Variants in ROBO1 observed in about 807,000 individuals in gnomAD.
ROBO1 encodes roundabout homolog 1.
A neutral mutation model predicts 195.9 loss-of-function variants in ROBO1; 149 were observed. The observed-to-expected ratio is 0.76, with a 90% CI of 0.67 to 0.87. The LOEUF is 0.87. Ranked by LOEUF, ROBO1 falls within the 40% of genes least tolerant of loss-of-function variation. The pLI, the probability that ROBO1 is intolerant of heterozygous loss-of-function variation, is 0.00. For synonymous variants in ROBO1, 816 were observed against 733.2 expected (o/e 1.11, Z -1.82); for missense variants, 1,933 against 2,068.3 (o/e 0.93, Z 1.27).
chr3:78,616,723 T>G (rs1341872408), intron 27 of ROBO1, among the ~76,000 whole-genome samples: 1 of 152,162 alleles, frequency 6.6e-6, no homozygotes, highest in Non-Finnish European at 1.5e-5. Flanking sequence ...CACTCTACTA[T>G]TTAGATTTTC....
At chr3:79,764,867 T>G (rs1704900015) in intron 1 of ROBO1, among the ~76,000 whole-genome samples, 1 of 152,156 alleles carries the variant, frequency 6.6e-6, no homozygotes, top group South Asian at 2.1e-4. Flanking sequence ...TATTTGTTCT[T>G]TATTTTGTGC....
intron 1 of ROBO1, among the ~76,000 whole-genome samples, chr3:79,741,929 G>T (rs147069403): frequency 4.6e-5 from 7 of 152,272 alleles, no homozygotes; most frequent in African/African-American, 1.7e-4. Context: ...GTGAAACTTT[G>T]AACTTGCAAG....
rs1378310375 is a variant in ROBO1, at chr3:78,598,295, A to C, written c.*618T>G. The C allele has an allele frequency of 6.6e-6, 1 of 152,352 alleles. No individual in the cohort carries two copies. The highest frequency in any genetic ancestry group is 1.5e-5 in the Non-Finnish European group (1 of 68,036). 9.4% of individuals were successfully genotyped at this position (152,352 alleles called of 1,614,324 possible). ...AATGATTGAAATGAAGCCAAAATAA[A>C]ATACCACCAGGGTTTGCAAAGAGTA... On this transcript the variant is annotated 3_prime_UTR_variant, in exon 31 of 31. Coordinates refer to ENST00000464233, the MANE Select transcript of ROBO1 (RefSeq NM_002941.4).
intron 2 of ROBO1, among the ~76,000 whole-genome samples, chr3:79,450,930 A>C (rs2039422676): frequency 6.6e-6 from 1 of 151,892 alleles, no homozygotes; most frequent in Non-Finnish European, 1.5e-5. Flanking sequence ...TTTTGTATAA[A>C]TTAACTTGTA....
At chr3:79,140,405 T>C (rs2108610736) in intron 2 of ROBO1, among the ~76,000 whole-genome samples, 2 of 152,264 alleles carry the variant, frequency 1.3e-5, no homozygotes, top group South Asian at 4.1e-4. Flanking sequence ...CCCTGTGACT[T>C]TGGGCAAGTT....
intron 2 of ROBO1, among the ~76,000 whole-genome samples, chr3:79,292,819 A>G (rs1249212167): frequency 6.6e-6 from 1 of 152,066 alleles, no homozygotes; most frequent in Non-Finnish European, 1.5e-5. Flanking sequence ...TTCATCCAGG[A>G]TATTGGGCTG....
intron 8 of ROBO1, among the ~76,000 whole-genome samples, chr3:78,708,540 A>T (rs1206876103): frequency 6.6e-6 from 1 of 152,184 alleles, no homozygotes; most frequent in Non-Finnish European, 1.5e-5. Flanking sequence ...TCTGATTCTA[A>T]GAAGAACCTG....
chr3:79,486,945 T>G (rs942982672), intron 2 of ROBO1, among the ~76,000 whole-genome samples: 8 of 152,190 alleles, frequency 5.3e-5, no homozygotes, highest in Admixed American at 3.3e-4. Context: ...AGACAGTACC[T>G]GAGGGATCGA....
At position 78,938,709 on chromosome 3, in the gene ROBO1, G is replaced by A. The variant is rs754801801; in HGVS notation, c.391C>T (p.Arg131Cys). The A allele has an allele frequency of 2.5e-6, 4 of 1,613,830 alleles. No individual in the cohort carries two copies. The highest frequency in any genetic ancestry group is 1.1e-5 in the South Asian group (1 of 91,080). Residue 131 changes from arginine to cysteine, a missense_variant, in exon 4 of 31, where the codon CGT becomes TGT. Arg to Cys is a radical substitution (Grantham distance 180). Around this residue, in one of 3 missense-constraint regions of ROBO1, gnomAD observed 11 missense variants for 26.2 expected, o/e 0.42. Coordinates refer to ENST00000464233, the MANE Select transcript of ROBO1 (RefSeq NM_002941.4). ...LLPSGSLFFL[R>C]IVHGRKSRPD... ...CTACTTTTCCGTCCATGTACTATAC[G>A]TAAGAAAAATAAAGATCCACTCGGC... is the stretch of plus-strand genomic sequence containing the variant.
At chr3:79,616,635 G>A (rs113821619) in intron 1 of ROBO1, among the ~76,000 whole-genome samples, 2 of 152,238 alleles carry the variant, frequency 1.3e-5, no homozygotes, top group African/African-American at 4.8e-5. Context: ...AAAAAGGGGA[G>A]TGTTGCTCCA....
chr3:78,827,545 T>C (rs1056440545), intron 4 of ROBO1, among the ~76,000 whole-genome samples: 3 of 152,086 alleles, frequency 2.0e-5, no homozygotes, highest in Non-Finnish European at 4.4e-5. Context: ...TGCTCAGGGT[T>C]TTCCAGAGAA....
chr3:79,377,103 A>G (rs2036411797), intron 2 of ROBO1, among the ~76,000 whole-genome samples: 1 of 152,202 alleles, frequency 6.6e-6, no homozygotes, highest in South Asian at 2.1e-4. Flanking sequence ...ACTGAGAAAC[A>G]TAACACCTAC....
At chr3:79,605,200 T>G (rs1200206892) in intron 1 of ROBO1, among the ~76,000 whole-genome samples, 1 of 151,972 alleles carries the variant, frequency 6.6e-6, no homozygotes, top group Non-Finnish European at 1.5e-5. Flanking sequence ...CTCCTTGTTT[T>G]CCTCCTATCC....
chr3:79,498,820 C>G (rs934107493), intron 2 of ROBO1, among the ~76,000 whole-genome samples: 1 of 151,048 alleles, frequency 6.6e-6, no homozygotes, highest in East Asian at 2.0e-4. Context: ...GTGCTCCAGC[C>G]TGGGCAACAA....
At chr3:79,266,265 T>G (rs75742706) in intron 2 of ROBO1, among the ~76,000 whole-genome samples, 1 of 151,566 alleles carries the variant, frequency 6.6e-6, no homozygotes, top group Admixed American at 6.6e-5. Context: ...TATTTCTAGA[T>G]GTAGCAATTT....
intron 4 of ROBO1, among the ~76,000 whole-genome samples, chr3:78,840,853 G>A (rs986544102): frequency 2.0e-5 from 3 of 152,048 alleles, no homozygotes; most frequent in Non-Finnish European, 2.9e-5. Flanking sequence ...GAGGTCAGAA[G>A]ATCGAGACCA....
intron 2 of ROBO1, among the ~76,000 whole-genome samples, chr3:79,375,852 G>C (rs1245447318): frequency 6.6e-6 from 1 of 152,096 alleles, no homozygotes; most frequent in Non-Finnish European, 1.5e-5. Flanking sequence ...ACCTGTTCTG[G>C]GCAACAAAAG....
chr3:79,175,151 T>G (rs909394772), intron 2 of ROBO1, among the ~76,000 whole-genome samples: 1 of 152,196 alleles, frequency 6.6e-6, no homozygotes, highest in African/African-American at 2.4e-5. Flanking sequence ...TAGGGTTCTC[T>G]CCTATCCCTA....
chr3:79,468,321 A>C (rs1370643356), intron 2 of ROBO1, among the ~76,000 whole-genome samples: 1 of 152,152 alleles, frequency 6.6e-6, no homozygotes, highest in East Asian at 1.9e-4. Flanking sequence ...CTTTTTAACA[A>C]CTGAAAAGTG....
Sources: gnomAD v4.1 joint callset for allele counts (sites outside exome capture counted in the v4.1 genomes callset) on GRCh38, gnomAD v4.1.1 for gene constraint, gnomAD v4.1.1 regional missense constraint, MANE v1.5 for transcripts, NCBI Gene and HGNC (gene_info 2026-07-23, HGNC 2026-07-21) for gene names.